The following BBS9 variants were observed in gnomAD, a reference collection of about 807,000 sequenced individuals.
BBS9 encodes protein PTHB1.
In BBS9, 89 loss-of-function variants were observed where a neutral mutation model predicts 117.7. The observed-to-expected ratio is 0.76, with a 90% CI of 0.64 to 0.90. The LOEUF (loss-of-function observed/expected upper bound fraction) is 0.90. BBS9 is among the 40% of genes least tolerant of loss of function. BBS9 has a pLI of 0.00. For missense variants in BBS9, 982 were observed against 1,042.2 expected (o/e 0.94, Z 0.80); for synonymous variants, 379 against 370.9 (o/e 1.02, Z -0.25).
chr7:33,530,352 AG>A (rs1850384526), intron 20 of BBS9, among the ~76,000 whole-genome samples: 1 of 152,232 alleles, frequency 6.6e-6, no homozygotes, highest in African/African-American at 2.4e-5. Flanking sequence ...TAAATTCTGT[AG>A]TACTCTGTAT....
chr7:33,265,221 A>G (rs1396802353), intron 7 of BBS9, among the ~76,000 whole-genome samples: 3 of 152,208 alleles, frequency 2.0e-5, no homozygotes, highest in African/African-American at 7.2e-5. Context: ...CTAACATAAC[A>G]GTATTGGAGA....
At chr7:33,380,176 G>A in intron 17 of BBS9, 1 of 169,230 alleles carries the variant, frequency 5.9e-6, no homozygotes, top group Non-Finnish European at 1.3e-5. Context: ...GAATGCGGAG[G>A]CATGGGGAAA....
At chr7:33,538,770 C>T (rs1020261935) in intron 21 of BBS9, among the ~76,000 whole-genome samples, 47 of 113,024 alleles carry the variant, frequency 4.2e-4, no homozygotes, top group Non-Finnish European at 2.1e-4. Context: ...TTTATCTTGA[C>T]ATTAAAAAAA....
chr7:33,216,609 TAGTATTAGCAAA>T (rs1789114522), intron 5 of BBS9, among the ~76,000 whole-genome samples: 2 of 152,336 alleles, frequency 1.3e-5, no homozygotes, highest in East Asian at 3.9e-4. Context: ...AAATCAGTTA[TAGTATTAGCAAA>T]AGTTTACAGT....
chr7:33,190,151 GCT>G (rs1457711507), intron 5 of BBS9, among the ~76,000 whole-genome samples: 3 of 125,628 alleles, frequency 2.4e-5, no homozygotes, highest in Admixed American at 9.4e-5. Context: ...ACTGAGTCTC[GCT>G]CTGTCGCCCA....
intron 21 of BBS9, among the ~76,000 whole-genome samples, chr7:33,541,975 A>G (rs747875160): frequency 7.2e-5 from 11 of 152,362 alleles, no homozygotes; most frequent in Middle Eastern, 3.4e-3. Flanking sequence ...TAGTGTAAAG[A>G]TAAAACATGT....
chr7:33,240,238 G>T (rs1794253547), intron 5 of BBS9, among the ~76,000 whole-genome samples: 1 of 148,126 alleles, frequency 6.8e-6, no homozygotes, highest in Non-Finnish European at 1.5e-5. Flanking sequence ...CTGTGTAGGA[G>T]GGCTAATCAT....
chr7:33,386,559 C>A (rs370102982), intron 18 of BBS9, among the ~76,000 whole-genome samples: 2 of 151,750 alleles, frequency 1.3e-5, no homozygotes, highest in Non-Finnish European at 2.9e-5. Flanking sequence ...GGCACGATCT[C>A]GGCTCACTGC....
intron 9 of BBS9, among the ~76,000 whole-genome samples, chr7:33,276,213 T>C (rs780547371): frequency 1.3e-5 from 2 of 152,166 alleles, no homozygotes; most frequent in Admixed American, 6.5e-5. Flanking sequence ...AATTAATGCA[T>C]GAAAAAGAAA....
intron 21 of BBS9, among the ~76,000 whole-genome samples, chr7:33,569,475 G>A (rs1223199810): frequency 1.3e-5 from 2 of 151,348 alleles, no homozygotes; most frequent in East Asian, 3.9e-4. Context: ...ATAAAAATAG[G>A]CCGGGCGCAG....
At chr7:33,389,514 C>G (rs1391025725) in intron 19 of BBS9, among the ~76,000 whole-genome samples, 1 of 151,644 alleles carries the variant, frequency 6.6e-6, no homozygotes, top group African/African-American at 2.4e-5. Flanking sequence ...ACAGTGAAAC[C>G]CTGTCTCTAC....
intron 9 of BBS9, among the ~76,000 whole-genome samples, chr7:33,327,733 A>G (rs1584342020): frequency 6.6e-6 from 1 of 152,130 alleles, no homozygotes; most frequent in Admixed American, 6.5e-5. Flanking sequence ...TGTTTCATGC[A>G]TGCAGTAGTG....
At chr7:33,611,264 A>T (rs1021517300) in intron 21 of BBS9, among the ~76,000 whole-genome samples, 1 of 151,776 alleles carries the variant, frequency 6.6e-6, no homozygotes, top group Admixed American at 6.6e-5. Flanking sequence ...GAACATTAAG[A>T]TCATCTGAAT....
At chr7:33,632,323 G>A (rs1408147729) in intron 21 of BBS9, among the ~76,000 whole-genome samples, 1 of 152,192 alleles carries the variant, frequency 6.6e-6, no homozygotes, top group African/African-American at 2.4e-5. Context: ...CGACCCTATG[G>A]TGGGGGGATC....
rs894244428 is a variant in BBS9, at chr7:33,367,856, A to G, written c.1783A>G (p.Thr595Ala). 6.2e-7 allele frequency: 1 copy of G among 1,613,600 alleles called. No homozygotes were observed. The highest frequency in any genetic ancestry group is 1.7e-5 in the Admixed American group (1 of 60,022). The part of the protein sequence containing the change: ...GARITVLASK[T>A]SQRYRIQSEQ... ...TCGAATTACTGTTCTTGCTTCCAAA[A>G]CTTCTCGTAAGTAAAACCATGTTAT... The change falls in exon 17 of 23, where the codon ACT becomes GCT. Residue 595 changes from threonine (T) to alanine (A), a missense_variant. Transcript: ENST00000242067.
At chr7:33,137,530 T>C (rs1356806636) in intron 1 of BBS9, among the ~76,000 whole-genome samples, 1 of 152,218 alleles carries the variant, frequency 6.6e-6, no homozygotes, top group Non-Finnish European at 1.5e-5. Context: ...CTGCCATCAC[T>C]GCTGCCTAAG....
At chr7:33,427,412 G>A (rs1584786070) in intron 19 of BBS9, among the ~76,000 whole-genome samples, 1 of 152,188 alleles carries the variant, frequency 6.6e-6, no homozygotes, top group East Asian at 1.9e-4. Flanking sequence ...GCAAAGTTAA[G>A]CATCTTCCAA....
intron 9 of BBS9, among the ~76,000 whole-genome samples, chr7:33,332,673 T>C (rs1814358634): frequency 8.9e-6 from 1 of 111,982 alleles, no homozygotes; most frequent in South Asian, 3.5e-4. Context: ...CAAGGCTCCA[T>C]GTCAAAACAA....
intron 21 of BBS9, among the ~76,000 whole-genome samples, chr7:33,615,641 A>G (rs1865092799): frequency 6.6e-6 from 1 of 152,144 alleles, no homozygotes; most frequent in African/African-American, 2.4e-5. Flanking sequence ...AGAAAAAAGA[A>G]ACAAATATTT....
Sources: gnomAD v4.1 joint callset for allele counts (sites outside exome capture counted in the v4.1 genomes callset) on GRCh38, gnomAD v4.1.1 for gene constraint, MANE v1.5 for transcripts, NCBI Gene and HGNC (gene_info 2026-07-23, HGNC 2026-07-21) for gene names.